The following GRIA3 variants were observed in gnomAD, a reference collection of about 807,000 sequenced individuals.
GRIA3 encodes the protein glutamate ionotropic receptor AMPA type subunit 3.
A neutral mutation model predicts 63.0 loss-of-function variants in GRIA3; 3 were observed. That is an observed-to-expected ratio of 0.05 (90% CI 0.02 to 0.12). The LOEUF is 0.12. Ranked by LOEUF, GRIA3 falls within the 10% of genes least tolerant of loss-of-function variation. GRIA3 has a pLI of 1.00. For missense variants in GRIA3, 347 were observed against 700.9 expected (o/e 0.50, Z 5.70); for synonymous variants, 274 against 257.9 (o/e 1.06, Z -0.60).
In GRIA3 at chrX:123,404,841, G is replaced by A; in HGVS notation, c.1427G>A (p.Gly476Asp). 8.3e-7 allele frequency: 1 copy of A among 1,209,524 alleles called. No homozygotes were observed. Among genetic ancestry groups the A allele is most frequent in the Non-Finnish European group, 1.1e-6 (1 of 893,414 alleles). The change falls in exon 10 of 16, where the codon GGT (glycine) becomes GAT (aspartate). Residue 476 changes from glycine (G) to aspartate (D), a missense_variant. Gly to Asp is a moderately conservative substitution (Grantham distance 94, BLOSUM62 -1). Around this residue, in one of 8 missense-constraint regions of GRIA3, gnomAD observed 65 missense variants for 145.8 expected, o/e 0.45. Coordinates refer to ENST00000620443, the MANE Select transcript of GRIA3 (RefSeq NM_007325.5). ...VRIKYKLSIV[G>D]DGKYGARDPE... ...ATCAAATACAAATTGTCCATCGTTG[G>A]TGACGGGAAATATGGTGCAAGGGAT... is the stretch of plus-strand genomic sequence containing the variant.
chrX:123,332,486 T>C (rs1013434666), intron 4 of GRIA3, among the ~76,000 whole-genome samples: 3 of 111,365 alleles, frequency 2.7e-5, no homozygotes, highest in Non-Finnish European at 5.7e-5. Flanking sequence ...AAATTGAGAC[T>C]TAGAAGTCAT....
intron 2 of GRIA3, among the ~76,000 whole-genome samples, chrX:123,195,639 A>G (rs1927555455): frequency 9.0e-6 from 1 of 111,618 alleles, no homozygotes. Flanking sequence ...TGGGACAAAC[A>G]AAATGCCTGC....
intron 12 of GRIA3, among the ~76,000 whole-genome samples, chrX:123,456,411 G>A (rs2045761572): frequency 9.0e-6 from 1 of 111,569 alleles, no homozygotes; most frequent in African/African-American, 3.3e-5. Flanking sequence ...TTGAAAAGTT[G>A]TATGGCAGGT....
At chrX:123,310,657 A>G (rs1473321806) in intron 3 of GRIA3, among the ~76,000 whole-genome samples, 1 of 112,606 alleles carries the variant, frequency 8.9e-6, no homozygotes, top group Non-Finnish European at 1.9e-5. Context: ...TCCTCCTTTC[A>G]TATTATCTTT....
chrX:123,304,372 A>G (rs960716301), intron 3 of GRIA3, among the ~76,000 whole-genome samples: 3 of 111,615 alleles, frequency 2.7e-5, no homozygotes, highest in African/African-American at 9.8e-5. Flanking sequence ...TAAAATCAAA[A>G]GATTAAATTA....
At chrX:123,359,628 G>A (rs910478099) in intron 5 of GRIA3, among the ~76,000 whole-genome samples, 2 of 112,216 alleles carry the variant, frequency 1.8e-5, no homozygotes, top group African/African-American at 6.5e-5. Flanking sequence ...AGGATCTGAA[G>A]GATCAATCAA....
At chrX:123,476,412 T>C (rs1024841659) in intron 13 of GRIA3, among the ~76,000 whole-genome samples, 5 of 111,582 alleles carry the variant, frequency 4.5e-5, no homozygotes, top group Non-Finnish European at 7.5e-5. Context: ...TTGGTTAGGA[T>C]TGGGCTAGGT....
chrX:123,349,027 T>G (rs887893833), intron 4 of GRIA3, among the ~76,000 whole-genome samples: 1 of 112,200 alleles, frequency 8.9e-6, no homozygotes, highest in African/African-American at 3.2e-5. Context: ...TACATTCTAT[T>G]TTCATACAGT....
intron 12 of GRIA3, among the ~76,000 whole-genome samples, chrX:123,435,205 C>T (rs893189894): frequency 8.9e-6 from 1 of 111,961 alleles, no homozygotes; most frequent in Non-Finnish European, 1.9e-5. Flanking sequence ...TGGGTATGCT[C>T]CATGGTGACT....
chrX:123,310,283 C>T (rs2044781407), intron 3 of GRIA3, among the ~76,000 whole-genome samples: 2 of 112,996 alleles, frequency 1.8e-5, no homozygotes, highest in Non-Finnish European at 3.7e-5. Context: ...TGCTGAAGCA[C>T]TCCTAAATTC....
intron 10 of GRIA3, among the ~76,000 whole-genome samples, chrX:123,410,324 A>G: frequency 8.9e-6 from 1 of 111,842 alleles, no homozygotes; most frequent in Non-Finnish European, 1.9e-5. Context: ...CTAAGGATAA[A>G]GAAGAAGGGG....
chrX:123,354,761 C>A (rs772141540), intron 4 of GRIA3, 149 bp from the exon 5 acceptor site: 1 of 518,258 alleles, frequency 1.9e-6, no homozygotes, highest in East Asian at 3.4e-5. Flanking sequence ...TAGTTGAAAG[C>A]GAAATGCAAC....
At chrX:123,284,866 A>G (rs1427809087) in intron 3 of GRIA3, among the ~76,000 whole-genome samples, 3 of 111,606 alleles carry the variant, frequency 2.7e-5, no homozygotes, top group Non-Finnish European at 5.6e-5. Context: ...ACCTAGCAAG[A>G]CAGGCCAACA....
Position 123,326,072 on chromosome X carries a change from C to T in GRIA3, c.555C>T (p.Asn185=), listed in dbSNP as rs1420103607. The change falls in exon 4 of 16, where the codon AAC becomes AAT. Residue 185 remains asparagine, a synonymous_variant. Transcript: ENST00000620443. ...TTATGGAAGCAGCAGTGCAAAACAA[C>T]TGGCAAGTAACAGCAAGGTCTGTGG... ...QAIMEAAVQN[N]WQVTARSVGN... 1 of 1,209,245 alleles carries T rather than the reference C, an allele frequency of 8.3e-7. No homozygotes were observed. Among genetic ancestry groups the T allele is most frequent in the Non-Finnish European group, 1.1e-6 (1 of 893,323 alleles).
chrX:123,443,794 G>C (rs1466819729), intron 12 of GRIA3, among the ~76,000 whole-genome samples: 1 of 111,507 alleles, frequency 9.0e-6, no homozygotes, highest in Non-Finnish European at 1.9e-5. Context: ...AACCTGGAAA[G>C]AAGTAGGGAC....
At chrX:123,283,533 G>C (rs1027530578) in intron 3 of GRIA3, among the ~76,000 whole-genome samples, 1 of 111,413 alleles carries the variant, frequency 9.0e-6, no homozygotes, top group African/African-American at 3.3e-5. Context: ...CTCTGAAGTC[G>C]ACCTGAGATG....
intron 7 of GRIA3, among the ~76,000 whole-genome samples, chrX:123,400,027 T>G (rs1422296226): frequency 9.0e-6 from 1 of 111,501 alleles, no homozygotes; most frequent in African/African-American, 3.3e-5. Context: ...ATTTGTATTG[T>G]CAGGTGAAAC....
chrX:123,302,746 T>G (rs942742918), intron 3 of GRIA3, among the ~76,000 whole-genome samples: 1 of 111,492 alleles, frequency 9.0e-6, no homozygotes, highest in Admixed American at 9.6e-5. Flanking sequence ...TTGGCCTGTG[T>G]GATCTTCTAA....
intron 10 of GRIA3, among the ~76,000 whole-genome samples, chrX:123,410,023 T>C (rs1352921129): frequency 8.9e-6 from 1 of 111,951 alleles, no homozygotes; most frequent in Non-Finnish European, 1.9e-5. Flanking sequence ...GCTTACAATC[T>C]AGTTGGATTA....
Sources: gnomAD v4.1 joint callset for allele counts (sites outside exome capture counted in the v4.1 genomes callset) on GRCh38, gnomAD v4.1.1 for gene constraint, gnomAD v4.1.1 regional missense constraint, MANE v1.5 for transcripts, NCBI Gene and HGNC (gene_info 2026-07-23, HGNC 2026-07-21) for gene names.